ENOX1: variants seen among roughly 807,000 people sequenced by gnomAD.
ENOX1 encodes ecto-NOX disulfide-thiol exchanger 1.
In ENOX1, 42 loss-of-function variants were observed where a neutral mutation model predicts 82.5. The observed-to-expected ratio is 0.51, with a 90% CI of 0.40 to 0.66. The LOEUF is 0.66. Among genes scored for constraint, ENOX1 ranks in the 30% least tolerant of loss-of-function variants. The probability of loss-of-function intolerance (pLI) is 0.00; values close to 1 mark genes in which losing one functional copy is unlikely to be tolerated. For missense variants in ENOX1, 608 were observed against 811.6 expected, an observed-to-expected ratio of 0.75 and a Z score of 3.05; for synonymous variants, 271 against 282.2, an observed-to-expected ratio of 0.96 and a Z score of 0.40.
chr13:43,393,455 C>G (rs372229547), intron 5 of ENOX1, among the ~76,000 whole-genome samples: 1 of 152,142 alleles, frequency 6.6e-6, no homozygotes, highest in Non-Finnish European at 1.5e-5. Context: ...CAATGCATAA[C>G]AAGAATGGTT....
chr13:43,469,619 T>G (rs1408163788), intron 3 of ENOX1, among the ~76,000 whole-genome samples: 3 of 151,950 alleles, frequency 2.0e-5, no homozygotes, highest in Non-Finnish European at 4.4e-5. Context: ...TTAAAGAAGA[T>G]CTATATAAAT....
In ENOX1 at chr13:43,506,600, C is replaced by T. The variant is rs111658977; in HGVS notation, c.-218-22448G>A. 1.7e-3 allele frequency among the ~76,000 whole-genome samples: 224 copies of T among 130,438 alleles called. 4 individuals are homozygous for T. The highest frequency in any genetic ancestry group is 4.1e-3 in the Middle Eastern group (1 of 244). The allele number at this position is 130,438 out of a possible 152,430, so 85.6% of individuals were successfully genotyped here. A position where few individuals can be genotyped will look rare whatever the true frequency, so the allele number is the denominator to read the frequency against. On this transcript the variant is annotated intron_variant, in intron 2 of 16. Coordinates refer to ENST00000690772, the MANE Select transcript of ENOX1 (RefSeq NM_001347969.2). ...TGGAACCAACCCAAATGTCCAACAA[C>T]GATAGACTGGATTAAGAAAATGTGG...
intron 2 of ENOX1, among the ~76,000 whole-genome samples, chr13:43,624,614 T>A (rs531486071): frequency 6.6e-6 from 1 of 152,262 alleles, no homozygotes; most frequent in South Asian, 2.1e-4. Flanking sequence ...CCCATGGATA[T>A]CAAATTGCTC....
At chr13:43,442,487 CACAGAGACACTG>C (rs1303947639) in intron 3 of ENOX1, among the ~76,000 whole-genome samples, 1 of 152,188 alleles carries the variant, frequency 6.6e-6, no homozygotes, top group Non-Finnish European at 1.5e-5. Context: ...ATTCTGAATG[CACAGAGACACTG>C]ACAGTCACTC....
chr13:43,695,242 AT>A (rs1462479984), intron 1 of ENOX1, among the ~76,000 whole-genome samples: 2 of 147,762 alleles, frequency 1.4e-5, no homozygotes, highest in East Asian at 4.3e-4. Context: ...ATAAGCTCAT[AT>A]TTAAAAAAAA....
chr13:43,448,651 A>G (rs2056789677), intron 3 of ENOX1, among the ~76,000 whole-genome samples: 2 of 152,150 alleles, frequency 1.3e-5, no homozygotes, highest in Admixed American at 1.3e-4. Context: ...CTCATTCTTC[A>G]TTGATCTAGA....
chr13:43,647,866 C>A (rs1371455609), intron 2 of ENOX1, among the ~76,000 whole-genome samples: 1 of 152,168 alleles, frequency 6.6e-6, no homozygotes, highest in African/African-American at 2.4e-5. Flanking sequence ...AAACGAAGAA[C>A]CTTTTTCAGC....
chr13:43,718,383 G>C (rs396274), intron 1 of ENOX1, among the ~76,000 whole-genome samples: 1 of 152,094 alleles, frequency 6.6e-6, no homozygotes, highest in African/African-American at 2.4e-5. Flanking sequence ...CCAGATGGGA[G>C]AGGGAGGGAG....
chr13:43,562,394 A>C (rs1288506854), intron 2 of ENOX1, among the ~76,000 whole-genome samples: 1 of 152,142 alleles, frequency 6.6e-6, no homozygotes, highest in African/African-American at 2.4e-5. Flanking sequence ...ATAAAAATTA[A>C]AAAGCAAGAA....
intron 1 of ENOX1, among the ~76,000 whole-genome samples, chr13:43,748,410 T>G (rs765329107): frequency 6.6e-6 from 1 of 152,214 alleles, no homozygotes; most frequent in Non-Finnish European, 1.5e-5. Flanking sequence ...CATTCTGATA[T>G]GTAGGAATTA....
intron 5 of ENOX1, among the ~76,000 whole-genome samples, chr13:43,388,145 G>A (rs2052546550): frequency 6.6e-6 from 1 of 152,180 alleles, no homozygotes; most frequent in Admixed American, 6.6e-5. Context: ...CCAGATTGGT[G>A]TCACTTAAGA....
intron 12 of ENOX1, among the ~76,000 whole-genome samples, chr13:43,283,781 A>C (rs2045539315): frequency 6.6e-6 from 1 of 151,770 alleles, no homozygotes; most frequent in African/African-American, 2.4e-5. Context: ...TTGGATGCTT[A>C]CCTCACTGTT....
intron 2 of ENOX1, among the ~76,000 whole-genome samples, chr13:43,636,363 A>G (rs1333993585): frequency 6.6e-6 from 1 of 152,218 alleles, no homozygotes. Context: ...AACCATGGGA[A>G]GATAACTCTG....
intron 4 of ENOX1, 129 bp downstream of exon 4, chr13:43,412,716 T>C: frequency 1.0e-6 from 1 of 1,003,452 alleles, no homozygotes; most frequent in Non-Finnish European, 1.4e-6. Context: ...TTTTCACTAG[T>C]TCTACAGACT....
chr13:43,377,223 C>G (rs764729175), intron 5 of ENOX1, among the ~76,000 whole-genome samples: 1 of 152,024 alleles, frequency 6.6e-6, no homozygotes, highest in Non-Finnish European at 1.5e-5. Context: ...ATTGTGAGAG[C>G]GGGCTCCTGA....
At chr13:43,284,026 A>G (rs544780110) in intron 12 of ENOX1, among the ~76,000 whole-genome samples, 32 of 152,252 alleles carry the variant, frequency 2.1e-4, no homozygotes, top group African/African-American at 7.0e-4. Flanking sequence ...AGTGTGGTCA[A>G]AAAAATACAA....
chr13:43,378,372 C>T (rs2051790085), intron 5 of ENOX1, among the ~76,000 whole-genome samples: 1 of 152,176 alleles, frequency 6.6e-6, no homozygotes, highest in Admixed American at 6.5e-5. Context: ...CACATGTGTG[C>T]ACACAAACAC....
chr13:43,261,406 T>G (rs1180311040), intron 14 of ENOX1, among the ~76,000 whole-genome samples: 1 of 152,178 alleles, frequency 6.6e-6, no homozygotes. Context: ...CACACAGCTA[T>G]TAATATACAG....
At chr13:43,359,174 G>A (rs1418066854) in intron 7 of ENOX1, among the ~76,000 whole-genome samples, 1 of 152,168 alleles carries the variant, frequency 6.6e-6, no homozygotes, top group Admixed American at 6.5e-5. Flanking sequence ...AAATGGAGGT[G>A]GGGAGTGTGA....
Sources: allele counts gnomAD v4.1 joint callset (sites outside exome capture counted in the v4.1 genomes callset), GRCh38; gene constraint gnomAD v4.1.1; transcripts MANE v1.5; gene names NCBI Gene and HGNC (gene_info 2026-07-23, HGNC 2026-07-21).